The following ADA variants were observed in gnomAD, a reference collection of about 807,000 sequenced individuals.
ADA encodes the protein adenosine aminohydrolase.
A neutral mutation model predicts 49.0 loss-of-function variants in ADA; 45 were observed. The ratio of observed to expected loss-of-function variants is 0.92; its 90% CI spans 0.72 to 1.18. ADA has a LOEUF of 1.18. Among genes scored for constraint, ADA ranks in the 50% most tolerant of loss-of-function variants. The probability of loss-of-function intolerance (pLI) is 0.00; values close to 1 mark genes in which losing one functional copy is unlikely to be tolerated. For synonymous variants in ADA, 173 were observed against 184.2 expected (o/e 0.94, Z 0.49); for missense variants, 445 against 472.5 (o/e 0.94, Z 0.54).
At position 44,624,464 on chromosome 20, in the gene ADA, C is replaced by A. The variant is rs2065363627; in HGVS notation, c.479-135G>T. ...AGGGCTCAGTGTCTTCAAATCCTAA[C>A]TGCTATGTCCTAACCACATGGCCTG... On this transcript the variant is annotated intron_variant, in intron 5 of 11. Coordinates refer to ENST00000372874, the MANE Select transcript of ADA (RefSeq NM_000022.4). 4.2e-6 allele frequency: 5 copies of A among 1,198,606 alleles called. No individual in the cohort carries two copies. In the East Asian group the frequency reaches 7.2e-5, roughly 17 times the overall value. The allele number at this position is 1,198,606 out of a possible 1,614,324, so 74.2% of individuals were successfully genotyped here.
intron 4 of ADA, 67 bp downstream of exon 4, chr20:44,626,389 T>G: frequency 6.2e-7 from 1 of 1,609,880 alleles, no homozygotes; most frequent in Non-Finnish European, 8.5e-7. Flanking sequence ...CAGTTCGCCC[T>G]TCCAGTCTCA....
Position 44,630,004 on chromosome 20 carries a change from C to CT in ADA, c.96-836dup, listed in dbSNP as rs1555845295. On this transcript the variant is annotated intron_variant, in intron 2 of 11. Transcript: ENST00000372874. ...CACCTCGAGCCTCAGTTTCCCCCCCCTTTTTTTTTTAAGATACAACAGCCA... is the reference window on the plus strand; with the variant it reads ...CACCTCGAGCCTCAGTTTCCCCCCCCTTTTTTTTTTTAAGATACAACAGCCA... Among the ~76,000 whole-genome samples, 737 of 149,038 alleles carry CT rather than the reference C, an allele frequency of 4.9e-3. 5 individuals are homozygous for CT. The highest frequency in any genetic ancestry group is 0.021 in the Middle Eastern group (6 of 288).
rs189751145 is a variant in ADA at position 44,629,121 on chromosome 20, G to C, written c.144C>G (p.Asn48Lys). The C allele has an allele frequency of 6.2e-7, 1 of 1,614,206 alleles. No individual in the cohort carries two copies. The highest frequency in any genetic ancestry group is 1.1e-5 in the South Asian group (1 of 91,088). The change falls in exon 3 of 12, where the codon AAC becomes AAG. Residue 48 changes from asparagine to lysine, a missense_variant. Physicochemically the swap from Asn to Lys is moderately conservative, Grantham distance 94. Transcript: ENST00000372874. ...TGAGCGGCTTGTCCATGCCAATGAC[G>C]TTCAGCAGCCCCTCTGCTGTGTTAG... ...LPANTAEGLL[N>K]VIGMDKPLTL...
At chr20:44,645,948 A>C (rs759027763) in intron 1 of ADA, among the ~76,000 whole-genome samples, 48 of 152,156 alleles carry the variant, frequency 3.2e-4, no homozygotes, top group Non-Finnish European at 5.9e-4. Context: ...GCCTGAGAAC[A>C]TTAAGGGCTG....
chr20:44,651,670 G>C lies in ADA; in HGVS notation c.-63C>G. 6.9e-7 allele frequency: 1 copy of C among 1,453,670 alleles called. No individual in the cohort carries two copies. Among genetic ancestry groups the C allele is most frequent in the Non-Finnish European group, 9.0e-7 (1 of 1,108,372 alleles). 90.0% of individuals were successfully genotyped at this position (1,453,670 alleles called of 1,614,324 possible). On this transcript the variant is annotated 5_prime_UTR_variant, in exon 1 of 12. Coordinates refer to ENST00000372874, the MANE Select transcript of ADA (RefSeq NM_000022.4). ...CCGCTCGGTGGGTCTCTGCCGGCTC[G>C]GTGGCCGCTCGGCTTTCCCTGGGGC...
rs1057520217 is a variant in ADA, at chr20:44,651,601, G to A, written c.7C>T (p.Gln3Ter). Residue 3 changes from glutamine (Q) to a stop codon, truncating the protein, a stop_gained, in exon 1 of 12, where the codon CAG (glutamine) becomes TAG (stop). Coordinates refer to ENST00000372874, the MANE Select transcript of ADA (RefSeq NM_000022.4). LOFTEE classifies it high-confidence loss of function. MA[Q>*]TPAFDKPKVE... Reference sequence around the variant, plus strand: ...TTGGGCTTGTCGAAGGCGGGCGTCTGGGCCATGGTGCCCTCGTGCGCCCCG... The same window carrying A: ...TTGGGCTTGTCGAAGGCGGGCGTCTAGGCCATGGTGCCCTCGTGCGCCCCG... 6.5e-7 allele frequency: 1 copy of A among 1,537,984 alleles called. No homozygotes were observed. Among genetic ancestry groups the A allele is most frequent in the African/African-American group, 1.4e-5 (1 of 72,214 alleles).
At chr20:44,620,955 T>C in intron 10 of ADA, 63 bp downstream of exon 10, 2 of 1,609,000 alleles carry the variant, frequency 1.2e-6, no homozygotes, top group Non-Finnish European at 1.7e-6. Context: ...GGCCCCGGAC[T>C]GGACCTGTAG....
intron 1 of ADA, among the ~76,000 whole-genome samples, chr20:44,650,980 A>C (rs999604536): frequency 6.6e-6 from 1 of 152,188 alleles, no homozygotes; most frequent in Non-Finnish European, 1.5e-5. Context: ...CTTGGCCTCG[A>C]GTGAACCCTG....
intron 1 of ADA, among the ~76,000 whole-genome samples, chr20:44,643,661 G>T (rs75030818): frequency 0.042 from 6,417 of 152,162 alleles, 165 homozygotes; most frequent in African/African-American, 0.067. Context: ...CCCCCTCCCT[G>T]GCACTCATGT....
intron 9 of ADA, 149 bp from the exon 10 acceptor site, chr20:44,621,296 C>G: frequency 9.2e-7 from 1 of 1,092,066 alleles, no homozygotes; most frequent in South Asian, 1.4e-5. Context: ...GAAATAAATT[C>G]AGAACTTAGG....
chr20:44,622,188 TC>T (rs1415167032), intron 9 of ADA, among the ~76,000 whole-genome samples: 2 of 152,168 alleles, frequency 1.3e-5, no homozygotes, highest in Admixed American at 1.3e-4. Context: ...AAGATGGCGC[TC>T]AGGGGAATGC....
At chr20:44,634,241 G>A (rs2065459708) in intron 2 of ADA, among the ~76,000 whole-genome samples, 1 of 152,256 alleles carries the variant, frequency 6.6e-6, no homozygotes, top group Non-Finnish European at 1.5e-5. Context: ...TGGCAAGTTG[G>A]CGGCTTGACA....
At chr20:44,634,634 G>A (rs1168291733) in intron 2 of ADA, among the ~76,000 whole-genome samples, 1 of 152,262 alleles carries the variant, frequency 6.6e-6, no homozygotes, top group Non-Finnish European at 1.5e-5. Flanking sequence ...CACAGGAGGT[G>A]CTACTGTGCT....
chr20:44,629,743 C>G (rs931764334), intron 2 of ADA, among the ~76,000 whole-genome samples: 2 of 152,200 alleles, frequency 1.3e-5, no homozygotes, highest in African/African-American at 4.8e-5. Flanking sequence ...CGCCAGCCAG[C>G]TCAGACCTCT....
At chr20:44,619,965 C>T in intron 11 of ADA, 118 bp from the exon 12 acceptor site, 1 of 1,353,996 alleles carries the variant, frequency 7.4e-7, no homozygotes, top group Non-Finnish European at 1.0e-6. Flanking sequence ...CAAGAAGATG[C>T]CTTGCCAAGA....
At chr20:44,650,239 C>T (rs1236678762) in intron 1 of ADA, among the ~76,000 whole-genome samples, 1 of 152,132 alleles carries the variant, frequency 6.6e-6, no homozygotes, top group East Asian at 1.9e-4. Flanking sequence ...CAGCTTCTGA[C>T]GGGGAGTAGC....
At position 44,619,767 on chromosome 20, in the gene ADA, A is replaced by G. The variant is rs2065309700; in HGVS notation, c.*67T>C. ...GGTCTTCTTGGAAGGAATAAATGTA[A>G]AAATGTTGCTCAGCCCCACAGAGTT... is the stretch of plus-strand genomic sequence containing the variant. On this transcript the variant is annotated 3_prime_UTR_variant, in exon 12 of 12. Coordinates refer to ENST00000372874, the MANE Select transcript of ADA (RefSeq NM_000022.4). 1 of 1,596,642 alleles carries G rather than the reference A, an allele frequency of 6.3e-7. No homozygotes were observed. Among genetic ancestry groups the G allele is most frequent in the South Asian group, 1.1e-5 (1 of 90,656 alleles).
At chr20:44,621,693 A>T (rs771156563) in intron 9 of ADA, among the ~76,000 whole-genome samples, 2 of 152,140 alleles carry the variant, frequency 1.3e-5, no homozygotes, top group Non-Finnish European at 2.9e-5. Context: ...GATTTCTGTG[A>T]CACCACACTT....
At position 44,650,374 on chromosome 20, in the gene ADA, C is replaced by T. The variant is rs540346913; in HGVS notation, c.33+1201G>A. On this transcript the variant is annotated intron_variant, in intron 1 of 11. Coordinates refer to ENST00000372874, the MANE Select transcript of ADA (RefSeq NM_000022.4). ...ACATGCACACTCACTGGATTCTCAC[C>T]GGCACTTTTGTGATAGCTGTCATCA... Among the ~76,000 whole-genome samples the T allele has an allele frequency of 1.2e-4, 18 of 152,300 alleles. No homozygotes were observed. The South Asian group carries it at 3.5e-3, about 30-fold the overall frequency.
Sources: gnomAD v4.1 joint callset for allele counts (sites outside exome capture counted in the v4.1 genomes callset) on GRCh38, gnomAD v4.1.1 for gene constraint, MANE v1.5 for transcripts, NCBI Gene and HGNC (gene_info 2026-07-23, HGNC 2026-07-21) for gene names.